TMEM45A: variants seen among roughly 807,000 people sequenced by gnomAD.
The protein encoded by TMEM45A is DNA polymerase-transactivated protein 4.
TMEM45A carries 25 observed loss-of-function variants against 32.0 expected under a neutral mutation model. The ratio of observed to expected loss-of-function variants is 0.78; its 90% CI spans 0.57 to 1.09. The LOEUF is 1.09. Ranked by LOEUF, TMEM45A falls within the 50% of genes least tolerant of loss-of-function variation. The probability of loss-of-function intolerance (pLI) is 0.00; values close to 1 mark genes in which losing one functional copy is unlikely to be tolerated. For synonymous variants in TMEM45A, 122 were observed against 114.8 expected (o/e 1.06, Z -0.40); for missense variants, 302 against 325.0 (o/e 0.93, Z 0.54).
chr3:100,519,937 C>T (rs934162304), intron 1 of TMEM45A, among the ~76,000 whole-genome samples: 1 of 152,140 alleles, frequency 6.6e-6, no homozygotes, highest in Admixed American at 6.5e-5. Flanking sequence ...GCAGCTGAAG[C>T]GTTAGGTCTA....
chr3:100,551,240 C>G (rs925478362), intron 1 of TMEM45A, among the ~76,000 whole-genome samples: 12 of 152,092 alleles, frequency 7.9e-5, no homozygotes, highest in Non-Finnish European at 1.5e-4. Context: ...GTCTCGATCT[C>G]CTGACCTCGT....
At chr3:100,549,309 A>G (rs1180761150) in intron 1 of TMEM45A, among the ~76,000 whole-genome samples, 1 of 152,112 alleles carries the variant, frequency 6.6e-6, no homozygotes, top group African/African-American at 2.4e-5. Context: ...AAACAAAAAC[A>G]ACCAAAACGA....
At chr3:100,541,619 T>C (rs1460510173) in intron 1 of TMEM45A, among the ~76,000 whole-genome samples, 1 of 151,012 alleles carries the variant, frequency 6.6e-6, no homozygotes, top group Non-Finnish European at 1.5e-5. Flanking sequence ...CGCCTCACCT[T>C]CCTGGGATGA....
At chr3:100,571,652 G>T (rs1043761009) in intron 5 of TMEM45A, 2 of 152,028 alleles carry the variant, frequency 1.3e-5, no homozygotes, top group Non-Finnish European at 2.9e-5. Context: ...ACAACATGCA[G>T]GTTTGTTACA....
At chr3:100,514,795 C>T (rs1708232670) in intron 1 of TMEM45A, among the ~76,000 whole-genome samples, 1 of 151,642 alleles carries the variant, frequency 6.6e-6, no homozygotes, top group Non-Finnish European at 1.5e-5. Context: ...AAACAAACAA[C>T]CCCATCAAAA....
At chr3:100,554,427 CA>C (rs970303617) in intron 1 of TMEM45A, among the ~76,000 whole-genome samples, 22 of 152,146 alleles carry the variant, frequency 1.4e-4, no homozygotes, top group African/African-American at 5.3e-4. Flanking sequence ...TATGCCACAC[CA>C]AGGTTGCCCA....
At chr3:100,567,053 C>T (rs564467043) in intron 4 of TMEM45A, among the ~76,000 whole-genome samples, 2 of 152,002 alleles carry the variant, frequency 1.3e-5, no homozygotes, top group Admixed American at 1.3e-4. Context: ...TAAAAAAAAT[C>T]AACAAATTTC....
chr3:100,531,171 G>A (rs1705639662), intron 1 of TMEM45A, among the ~76,000 whole-genome samples: 1 of 152,148 alleles, frequency 6.6e-6, no homozygotes, highest in South Asian at 2.1e-4. Context: ...TCTGTAAAGA[G>A]TAATTTGCCC....
intron 1 of TMEM45A, among the ~76,000 whole-genome samples, chr3:100,546,894 A>G (rs1705989220): frequency 6.6e-6 from 1 of 152,176 alleles, no homozygotes; most frequent in South Asian, 2.1e-4. Flanking sequence ...TCTGTGACAT[A>G]GAGTAGGTCA....
intron 1 of TMEM45A, among the ~76,000 whole-genome samples, chr3:100,543,420 T>G (rs540890109): frequency 4.8e-4 from 73 of 152,344 alleles, no homozygotes; most frequent in Non-Finnish European, 7.2e-4. Context: ...TCCTAGCTAC[T>G]GCCAAATTCT....
At chr3:100,557,166 A>C (rs1355880858) in intron 3 of TMEM45A, among the ~76,000 whole-genome samples, 194 bp downstream of exon 3, 1 of 152,210 alleles carries the variant, frequency 6.6e-6, no homozygotes, top group African/African-American at 2.4e-5. Flanking sequence ...ATTTAGTAGA[A>C]CTGGGTAAAC....
chr3:100,515,307 G>A (rs1010958081), intron 1 of TMEM45A, among the ~76,000 whole-genome samples: 3 of 151,910 alleles, frequency 2.0e-5, no homozygotes, highest in Non-Finnish European at 2.9e-5. Context: ...CATAAAAAAT[G>A]ATGAGTTCAC....
chr3:100,506,816 T>C (rs903589518), intron 1 of TMEM45A, among the ~76,000 whole-genome samples: 5 of 152,170 alleles, frequency 3.3e-5, no homozygotes, highest in Non-Finnish European at 7.3e-5. Context: ...TGACTCAGAT[T>C]CAAAGGCTTG....
chr3:100,572,399 T>C (rs1295034748), intron 5 of TMEM45A: 2 of 152,200 alleles, frequency 1.3e-5, no homozygotes, highest in African/African-American at 2.4e-5. Context: ...AAATGTCTTC[T>C]TTTGAGAAGT....
At chr3:100,537,392 T>C (rs893203983) in intron 1 of TMEM45A, among the ~76,000 whole-genome samples, 4 of 152,176 alleles carry the variant, frequency 2.6e-5, no homozygotes, top group African/African-American at 7.2e-5. Flanking sequence ...TTAGCCTCAG[T>C]TGGCAAATCA....
Position 100,551,834 on chromosome 3 carries a change from T to C in TMEM45A, c.-3-3375T>C, listed in dbSNP as rs1363727995. 2.6e-5 allele frequency among the ~76,000 whole-genome samples: 4 copies of C among 152,192 alleles called. No individual in the cohort carries two copies. The East Asian group carries it at 7.7e-4, about 29-fold the overall frequency. The stretch of plus-strand genomic sequence containing the variant: ...ATTAAAAGGCTGAAGACACAGGAGT[T>C]GTATAACTGAAGTAGGAAGGAGGAC... On this transcript the variant is annotated intron_variant, in intron 1 of 5. Coordinates refer to ENST00000323523, the MANE Select transcript of TMEM45A (RefSeq NM_018004.3).
At chr3:100,554,374 CA>C in intron 1 of TMEM45A, among the ~76,000 whole-genome samples, 1 of 152,156 alleles carries the variant, frequency 6.6e-6, no homozygotes, top group Non-Finnish European at 1.5e-5. Context: ...TTGTTTCTTA[CA>C]AAATCTGAAG....
chr3:100,555,261 T>C lies in TMEM45A; in HGVS notation c.50T>C (p.Ile17Thr), dbSNP rs138957693. Residue 17 changes from isoleucine to threonine, a missense_variant, in exon 2 of 6, where the codon ATT becomes ACT. By Grantham distance (89) the Ile-to-Thr change is moderately conservative. Transcript: ENST00000323523. ...CTCCCTGGAACCTTCTTTTTTATTA[T>C]TGGTCTTTGGTGGTGTACAAAGAGT... is the stretch of plus-strand genomic sequence containing the variant. ...HALPGTFFFI[I>T]GLWWCTKSIL... The C allele has an allele frequency of 5.0e-6, 8 of 1,612,206 alleles. No homozygotes were observed. The highest frequency in any genetic ancestry group is 6.8e-6 in the Non-Finnish European group (8 of 1,179,228).
At chr3:100,514,500 T>C (rs1311815569) in intron 1 of TMEM45A, among the ~76,000 whole-genome samples, 2 of 151,912 alleles carry the variant, frequency 1.3e-5, no homozygotes, top group African/African-American at 4.8e-5. Flanking sequence ...GACTTAAACA[T>C]TAGACCTAAA....
Sources: allele counts gnomAD v4.1 joint callset (sites outside exome capture counted in the v4.1 genomes callset), GRCh38; gene constraint gnomAD v4.1.1; transcripts MANE v1.5; gene names NCBI Gene and HGNC (gene_info 2026-07-23, HGNC 2026-07-21).